Variants in ARK2C observed in about 807,000 individuals in gnomAD.
ARK2C encodes arkadia (RNF111) C-terminal like ring finger ubiquitin ligase 2C.
the ARK2C span, chr18:46,456,450 G>A: frequency 8.8e-7 from 1 of 1,133,216 alleles, no homozygotes. Context: ...AGTCCTAGGT[G>A]TGTGTCCCTG....
the ARK2C span, among the ~76,000 whole-genome samples, chr18:46,409,299 C>G: frequency 6.6e-6 from 1 of 152,158 alleles, no homozygotes. Flanking sequence ...GAGCAGCCAT[C>G]ATGATCTAGA....
At chr18:46,339,513 C>G in the ARK2C span, among the ~76,000 whole-genome samples, 6 of 152,302 alleles carry the variant, frequency 3.9e-5, no homozygotes, top group Admixed American at 2.6e-4. Context: ...TGTGACTGGA[C>G]GATTCAGGAA....
At chr18:46,403,883 C>CAAAAA in the ARK2C span, among the ~76,000 whole-genome samples, 1 of 152,020 alleles carries the variant, frequency 6.6e-6, no homozygotes, top group Non-Finnish European at 1.5e-5. Context: ...TCCAAAAAAA[C>CAAAAA]AAAACAAAAC....
At chr18:46,342,942 C>T in the ARK2C span, among the ~76,000 whole-genome samples, 1 of 152,154 alleles carries the variant, frequency 6.6e-6, no homozygotes, top group Non-Finnish European at 1.5e-5. Flanking sequence ...ATACTTTTTA[C>T]ATTCTCTATT....
At chr18:46,433,517 C>T in the ARK2C span, 69 of 1,586,336 alleles carry the variant, frequency 4.3e-5, no homozygotes, top group Admixed American at 1.4e-4. Context: ...TTGGTGCTGC[C>T]TGGGGCGGAG....
At chr18:46,370,306 C>A in the ARK2C span, among the ~76,000 whole-genome samples, 4 of 152,148 alleles carry the variant, frequency 2.6e-5, no homozygotes, top group African/African-American at 9.7e-5. Flanking sequence ...AAACTGAAGC[C>A]TTGAAGGGAT....
the ARK2C span, among the ~76,000 whole-genome samples, chr18:46,373,576 G>A: frequency 6.6e-6 from 1 of 152,212 alleles, no homozygotes; most frequent in African/African-American, 2.4e-5. Flanking sequence ...ACAGTGCCTG[G>A]ACGCTGAGGG....
At chr18:46,450,425 C>G in the ARK2C span, 2 of 1,533,484 alleles carry the variant, frequency 1.3e-6, no homozygotes, top group Non-Finnish European at 1.8e-6. Flanking sequence ...CTGGTACCAA[C>G]TGGGTTGGTG....
chr18:46,383,744 C>T, the ARK2C span, among the ~76,000 whole-genome samples: 10 of 152,140 alleles, frequency 6.6e-5, no homozygotes, highest in South Asian at 4.2e-4. Context: ...TTAATACAGA[C>T]GGGGTTTCAC....
At chr18:46,368,465 T>C in the ARK2C span, among the ~76,000 whole-genome samples, 1 of 152,146 alleles carries the variant, frequency 6.6e-6, no homozygotes, top group East Asian at 1.9e-4. Context: ...AGCTCATGAG[T>C]ACCCCACTTC....
At chr18:46,461,056 C>T in the ARK2C span, 1 of 152,294 alleles carries the variant, frequency 6.6e-6, no homozygotes, top group Non-Finnish European at 1.5e-5. Context: ...CCTCCAACTC[C>T]AGAATTGGAG....
At chr18:46,362,982 C>A in the ARK2C span, among the ~76,000 whole-genome samples, 72 of 152,322 alleles carry the variant, frequency 4.7e-4, no homozygotes, top group African/African-American at 1.6e-3. Flanking sequence ...GATCTTTCCA[C>A]GCCCACAGAA....
At chr18:46,340,657 A>G in the ARK2C span, among the ~76,000 whole-genome samples, 2 of 152,240 alleles carry the variant, frequency 1.3e-5, no homozygotes, top group African/African-American at 4.8e-5. Flanking sequence ...TTGACCTGGA[A>G]GGGTGATCTT....
the ARK2C span, among the ~76,000 whole-genome samples, chr18:46,367,715 A>G: frequency 6.6e-6 from 1 of 152,214 alleles, no homozygotes; most frequent in Non-Finnish European, 1.5e-5. Context: ...CCCCACCAGT[A>G]GCCTGTGACT....
the ARK2C span, among the ~76,000 whole-genome samples, chr18:46,376,664 C>CTTTTTTTTTTTTT: frequency 6.9e-5 from 5 of 72,246 alleles, no homozygotes; most frequent in African/African-American, 1.1e-4. Flanking sequence ...GGTTAATAAT[C>CTTTTTTTTTTTTT]TTTTTTTTTT....
chr18:46,365,348 T>C, the ARK2C span, among the ~76,000 whole-genome samples: 1 of 152,192 alleles, frequency 6.6e-6, no homozygotes, highest in Admixed American at 6.5e-5. Flanking sequence ...TTTTTTGGGA[T>C]GACCTATGTC....
chr18:46,422,133 T>C, the ARK2C span, among the ~76,000 whole-genome samples: 2 of 152,176 alleles, frequency 1.3e-5, no homozygotes, highest in Admixed American at 6.5e-5. Context: ...CCTTTGAAGC[T>C]GGGTTCTGGG....
the ARK2C span, among the ~76,000 whole-genome samples, chr18:46,377,336 G>A: frequency 2.6e-5 from 4 of 152,088 alleles, no homozygotes; most frequent in Non-Finnish European, 5.9e-5. Context: ...ATGGGAACTC[G>A]CTATATGCCA....
chr18:46,380,842 A>G, the ARK2C span, among the ~76,000 whole-genome samples: 137 of 152,338 alleles, frequency 9.0e-4, no homozygotes, highest in African/African-American at 3.1e-3. Flanking sequence ...GCAGGTCCCC[A>G]TCACACTCGC....
Sources: allele counts gnomAD v4.1 joint callset (sites outside exome capture counted in the v4.1 genomes callset), GRCh38; gene constraint gnomAD v4.1.1; transcripts MANE v1.5; gene names NCBI Gene and HGNC (gene_info 2026-07-23, HGNC 2026-07-21).